Variants in HIF3A observed in about 807,000 individuals in gnomAD.
The protein encoded by HIF3A is hypoxia inducible factor 3 subunit alpha.
Under a neutral mutation model 67.2 loss-of-function variants are expected in HIF3A, and 41 were observed. The observed-to-expected ratio is 0.61, with a 90% confidence interval of 0.48 to 0.79. The LOEUF is 0.79. HIF3A is among the 30% of genes least tolerant of loss of function. The pLI is 0.00. For synonymous variants in HIF3A, 356 were observed against 374.8 expected (o/e 0.95, Z 0.58); for missense variants, 855 against 898.0 (o/e 0.95, Z 0.61).
chr19:46,302,768 A>AGAGGCT (rs1482385992), intron 1 of HIF3A, among the ~76,000 whole-genome samples: 3 of 152,074 alleles, frequency 2.0e-5, no homozygotes, highest in African/African-American at 7.2e-5. Context: ...CAGCTACATA[A>AGAGGCT]GAGGCTGAGG....
At chr19:46,323,601 G>A (rs912797247) in intron 10 of HIF3A, among the ~76,000 whole-genome samples, 6 of 152,108 alleles carry the variant, frequency 3.9e-5, no homozygotes, top group Non-Finnish European at 8.8e-5. Context: ...ATATATATGT[G>A]TGTATAAAAT....
Position 46,308,670 on chromosome 19 carries a change from C to G in HIF3A, c.456C>G (p.Ser152=). The G allele has an allele frequency of 6.2e-7, 1 of 1,603,490 alleles. No individual in the cohort carries two copies. The highest frequency in any genetic ancestry group is 8.5e-7 in the Non-Finnish European group (1 of 1,175,068). Residue 152 remains serine (S), a synonymous_variant, in exon 5 of 15, where the codon TCC becomes TCG. Coordinates refer to ENST00000377670, the MANE Select transcript of HIF3A (RefSeq NM_152795.4). The part of the protein sequence containing the change: ...QDALTPQQTL[S]RRKVEAPTER... ...GCCCCCGGGCCTCCCCAGCCCTGTC[C>G]AGGAGGAAGGTGGAGGCCCCCACGG... is the stretch of plus-strand genomic sequence containing the variant.
At chr19:46,317,441 T>C (rs1970007135) in intron 8 of HIF3A, among the ~76,000 whole-genome samples, 1 of 152,164 alleles carries the variant, frequency 6.6e-6, no homozygotes. Context: ...GCCAAGGGCG[T>C]TGGTGTGGTT....
At chr19:46,304,343 C>A (rs917219818) in intron 2 of HIF3A, among the ~76,000 whole-genome samples, 16 of 151,956 alleles carry the variant, frequency 1.1e-4, no homozygotes, top group Non-Finnish European at 1.8e-4. Context: ...CCCTGGAACG[C>A]GCCCTTTGGA....
chr19:46,303,532 A>T (rs1256310873), intron 1 of HIF3A: 1 of 1,305,036 alleles, frequency 7.7e-7, no homozygotes. Flanking sequence ...TGGCCAGCTC[A>T]GCCAGCCCCC....
At position 46,297,193 on chromosome 19, in the gene HIF3A, C is replaced by T. The variant is rs1013273192; in HGVS notation, c.26+91C>T. ...GGATTGTTGGGGGGGGTGGGGTTCG[C>T]GGGTGCGAGCCAAGAACGCCCCGGG... On this transcript the variant is annotated intron_variant, in intron 1 of 14. Coordinates refer to ENST00000377670, the MANE Select transcript of HIF3A (RefSeq NM_152795.4). The surrounding 1 kb of genome is among the most constrained non-coding windows in gnomAD (Gnocchi z 4.5). 1.6e-5 allele frequency: 8 copies of T among 493,028 alleles called. No homozygotes were observed. Among genetic ancestry groups the T allele is most frequent in the Non-Finnish European group, 1.9e-5 (6 of 317,364 alleles). The allele number at this position is 493,028 out of a possible 1,614,324, so 30.5% of individuals were successfully genotyped here.
rs933563551 is a variant in HIF3A, at chr19:46,342,454, C to T, written c.*2832C>T. On this transcript the variant is annotated 3_prime_UTR_variant, in exon 15 of 15. Transcript: ENST00000377670. ...TTCACCATGTTGCCCAGGCTGGTCG[C>T]GAACTACTGAGCTCAAGCAATTCTC... 2.6e-5 allele frequency: 4 copies of T among 151,478 alleles called. No individual in the cohort carries two copies. The highest frequency in any genetic ancestry group is 5.9e-5 in the Non-Finnish European group (4 of 67,926). 9.4% of individuals were successfully genotyped at this position (151,478 alleles called of 1,614,324 possible). A position where few individuals can be genotyped will look rare whatever the true frequency, so the allele number is the denominator to read the frequency against.
intron 8 of HIF3A, among the ~76,000 whole-genome samples, chr19:46,318,528 G>A (rs1397834213): frequency 1.6e-5 from 2 of 123,492 alleles, no homozygotes; most frequent in East Asian, 2.7e-4. Context: ...CAGCCTGAGC[G>A]AGAGAGTGAG....
intron 1 of HIF3A, chr19:46,303,581 G>C (rs1968520069): frequency 1.9e-6 from 3 of 1,541,092 alleles, no homozygotes; most frequent in Non-Finnish European, 2.6e-6. Context: ...GGCGTCCCTA[G>C]CCTGGGAAAT....
In HIF3A at chr19:46,329,397, G is replaced by A; in HGVS notation, c.1631G>A (p.Gly544Glu). ...GAGCCCTCCCTGCTACCCCGCTGGGGGAGTGACCCCCGGCTGAGCTGCTCC... is the reference window on the plus strand; with the variant it reads ...GAGCCCTCCCTGCTACCCCGCTGGGAGAGTGACCCCCGGCTGAGCTGCTCC... ...ALEPSLLPRW[G>E]SDPRLSCSSP... is the part of the protein sequence containing the mutation. The change falls in exon 12 of 15, where the codon GGG becomes GAG. Residue 544 changes from glycine to glutamate, a missense_variant. Physicochemically the swap from Gly to Glu is moderately conservative, Grantham distance 98. This residue lies in a region of HIF3A where 199 missense variants were observed against 193.8 expected (regional missense o/e 1.03). Coordinates refer to ENST00000377670, the MANE Select transcript of HIF3A (RefSeq NM_152795.4). The A allele has an allele frequency of 6.2e-7, 1 of 1,608,624 alleles. No homozygotes were observed. The highest frequency in any genetic ancestry group is 1.3e-5 in the African/African-American group (1 of 74,944).
chr19:46,343,208 C>G lies in HIF3A; in HGVS notation c.*3586C>G, dbSNP rs1243585039. The G allele has an allele frequency of 6.5e-6, 1 of 152,836 alleles. No individual in the cohort carries two copies. Among genetic ancestry groups the G allele is most frequent in the Non-Finnish European group, 1.5e-5 (1 of 68,244 alleles). 9.5% of individuals were successfully genotyped at this position (152,836 alleles called of 1,614,324 possible). ...CCCCCCTTCTTAGCCCCATTTACCC[C>G]GTTTGTGGAAGGCACTGCTCGCTCT... On this transcript the variant is annotated 3_prime_UTR_variant, in exon 15 of 15. Transcript: ENST00000377670.
At chr19:46,336,403 G>A (rs1971622613) in intron 14 of HIF3A, among the ~76,000 whole-genome samples, 1 of 151,838 alleles carries the variant, frequency 6.6e-6, no homozygotes, top group African/African-American at 2.4e-5. Flanking sequence ...GTCTCGCTCT[G>A]TCACTCAGGC....
intron 6 of HIF3A, among the ~76,000 whole-genome samples, chr19:46,310,220 G>A (rs191292764): frequency 6.6e-4 from 100 of 152,042 alleles, no homozygotes; most frequent in Non-Finnish European, 8.5e-4. Flanking sequence ...ACAAGACTCC[G>A]TCTCGAAAAA....
intron 7 of HIF3A, 31 bp downstream of exon 7, chr19:46,312,298 C>T (rs746992488): frequency 1.2e-6 from 2 of 1,613,936 alleles, no homozygotes; most frequent in Non-Finnish European, 1.7e-6. Flanking sequence ...GGTGCGAAGC[C>T]AGCTGCCACA....
chr19:46,317,195 A>C (rs1969985451), intron 8 of HIF3A, among the ~76,000 whole-genome samples: 1 of 151,692 alleles, frequency 6.6e-6, no homozygotes, highest in Admixed American at 6.6e-5. Flanking sequence ...TGCTGGGATT[A>C]CAGGTGTGAG....
chr19:46,340,014 C>T lies in HIF3A; in HGVS notation c.*392C>T, dbSNP rs544827914. ...AGGTTCTGGGGAGAACAATGATCCA[C>T]GGGTCAACGTGATCACATTTCCTTC... is the stretch of plus-strand genomic sequence containing the variant. On this transcript the variant is annotated 3_prime_UTR_variant, in exon 15 of 15. Coordinates refer to ENST00000377670, the MANE Select transcript of HIF3A (RefSeq NM_152795.4). The T allele has an allele frequency of 1.5e-5, 3 of 195,882 alleles. No homozygotes were observed. The highest frequency in any genetic ancestry group is 3.1e-5 in the Non-Finnish European group (3 of 97,412). The allele number at this position is 195,882 out of a possible 1,614,324, so 12.1% of individuals were successfully genotyped here.
At chr19:46,320,003 G>A (rs1797855909) in intron 8 of HIF3A, among the ~76,000 whole-genome samples, 1 of 152,178 alleles carries the variant, frequency 6.6e-6, no homozygotes, top group African/African-American at 2.4e-5. Context: ...GCTGAGGCAG[G>A]TGGATCACCT....
At chr19:46,320,105 C>T in intron 8 of HIF3A, 1 of 210,314 alleles carries the variant, frequency 4.8e-6, no homozygotes, top group South Asian at 7.7e-5. Flanking sequence ...GGGCTTGCAC[C>T]TGTAATCCCA....
At chr19:46,309,893 C>T (rs1476696563) in intron 6 of HIF3A, among the ~76,000 whole-genome samples, 2 of 151,992 alleles carry the variant, frequency 1.3e-5, no homozygotes, top group Admixed American at 6.6e-5. Context: ...TCAAGACCAG[C>T]TTGGACAACA....
Sources: gnomAD v4.1 joint callset for allele counts (sites outside exome capture counted in the v4.1 genomes callset) on GRCh38, gnomAD v4.1.1 for gene constraint, gnomAD v4.1.1 regional missense constraint, Gnocchi (gnomAD v3.1) non-coding constraint, MANE v1.5 for transcripts, NCBI Gene and HGNC (gene_info 2026-07-23, HGNC 2026-07-21) for gene names.